The following MDGA2 variants were observed in gnomAD, a reference collection of about 807,000 sequenced individuals.
The protein encoded by MDGA2 is MAM domain containing glycosylphosphatidylinositol anchor 2.
MDGA2 carries 40 observed loss-of-function variants against 117.8 expected under a neutral mutation model. That is an observed-to-expected ratio of 0.34 (90% CI 0.26 to 0.44). The LOEUF is 0.44. MDGA2 is among the 20% of genes least tolerant of loss of function. The probability of loss-of-function intolerance (pLI) is 1.00; values close to 1 mark genes in which losing one functional copy is unlikely to be tolerated. For synonymous variants in MDGA2, 452 were observed against 439.0 expected, an observed-to-expected ratio of 1.03 and a Z score of -0.37; for missense variants, 1,123 against 1,250.6, an observed-to-expected ratio of 0.90 and a Z score of 1.54.
intron 3 of MDGA2, among the ~76,000 whole-genome samples, chr14:47,151,823 T>C (rs1182888884): frequency 6.6e-6 from 1 of 151,848 alleles, no homozygotes; most frequent in African/African-American, 2.4e-5. Flanking sequence ...TATATTTCTA[T>C]GTGTATAGGA....
chr14:47,375,385 G>T lies in MDGA2; in HGVS notation c.281-73835C>A, dbSNP rs572927260. ...TAAAAATCTTCAATGGCAGGTGATG[G>T]GAATAACTTGCCAAATAAACTCAAA... On this transcript the variant is annotated intron_variant, in intron 1 of 16. Transcript: ENST00000399232. 3.6e-4 allele frequency among the ~76,000 whole-genome samples: 55 copies of T among 151,944 alleles called. No individual in the cohort carries two copies. The South Asian group carries it at 6.4e-3, about 18-fold the overall frequency.
At chr14:47,446,194 G>A (rs543259325) in intron 1 of MDGA2, among the ~76,000 whole-genome samples, 10 of 152,256 alleles carry the variant, frequency 6.6e-5, no homozygotes, top group Admixed American at 6.5e-4. Flanking sequence ...ATGTGTATGA[G>A]TACTTGGTTG....
chr14:46,869,558 T>C (rs990991888), intron 14 of MDGA2, among the ~76,000 whole-genome samples: 4 of 151,898 alleles, frequency 2.6e-5, no homozygotes, highest in African/African-American at 9.7e-5. Context: ...TCAATCAATT[T>C]TGATGAAACA....
chr14:47,536,972 G>A (rs28510282), intron 1 of MDGA2, among the ~76,000 whole-genome samples: 15,714 of 152,130 alleles, frequency 0.1, 908 homozygotes, highest in Middle Eastern at 0.15. Context: ...CTTTCTGTCT[G>A]TTCAAAAGTA....
chr14:47,312,687 TGTTTTGTTTTG>T (rs1889674895), intron 1 of MDGA2, among the ~76,000 whole-genome samples: 1 of 92,822 alleles, frequency 1.1e-5, no homozygotes, highest in African/African-American at 4.0e-5. Flanking sequence ...GTTTTTTTTT[TGTTTTGTTTTG>T]TTTTTTTTTT....
chr14:46,903,583 A>C (rs1883376861), intron 10 of MDGA2, among the ~76,000 whole-genome samples: 1 of 152,188 alleles, frequency 6.6e-6, no homozygotes, highest in South Asian at 2.1e-4. Context: ...CATCTTTACT[A>C]TAGAGCCATT....
At chr14:46,910,707 A>T (rs1883665262) in intron 10 of MDGA2, among the ~76,000 whole-genome samples, 1 of 152,176 alleles carries the variant, frequency 6.6e-6, no homozygotes, top group Non-Finnish European at 1.5e-5. Flanking sequence ...ACTTAATGAC[A>T]TGATCCTGTA....
At chr14:47,329,322 A>T (rs1890231161) in intron 1 of MDGA2, among the ~76,000 whole-genome samples, 1 of 152,098 alleles carries the variant, frequency 6.6e-6, no homozygotes, top group Admixed American at 6.6e-5. Context: ...AACATGTCTT[A>T]TTTGTAAAAA....
chr14:47,559,457 A>G (rs1050340991), intron 1 of MDGA2, among the ~76,000 whole-genome samples: 1 of 151,946 alleles, frequency 6.6e-6, no homozygotes, highest in Non-Finnish European at 1.5e-5. Flanking sequence ...TCTATGGTGT[A>G]TATGCATCAC....
intron 3 of MDGA2, among the ~76,000 whole-genome samples, chr14:47,216,836 G>A (rs1381355538): frequency 6.6e-6 from 1 of 152,058 alleles, no homozygotes; most frequent in African/African-American, 2.4e-5. Flanking sequence ...GAAGTATACA[G>A]GTGTGGTCAA....
chr14:47,096,689 T>G (rs914660678), intron 6 of MDGA2, among the ~76,000 whole-genome samples, 165 bp downstream of exon 6: 1 of 152,088 alleles, frequency 6.6e-6, no homozygotes, highest in African/African-American at 2.4e-5. Flanking sequence ...TTTAACCTGT[T>G]TAAGTTCCAC....
intron 1 of MDGA2, among the ~76,000 whole-genome samples, chr14:47,369,574 G>A (rs1390212804): frequency 6.6e-6 from 1 of 151,872 alleles, no homozygotes; most frequent in Non-Finnish European, 1.5e-5. Context: ...CCCCGGTCCC[G>A]ACACCACCAG....
intron 1 of MDGA2, among the ~76,000 whole-genome samples, chr14:47,650,916 G>T (rs1408308512): frequency 6.6e-6 from 1 of 152,032 alleles, no homozygotes; most frequent in Non-Finnish European, 1.5e-5. Context: ...TATGACTGCT[G>T]TCACTCAATG....
chr14:47,019,338 A>G (rs71418127), intron 8 of MDGA2, among the ~76,000 whole-genome samples: 7,521 of 152,238 alleles, frequency 0.049, 237 homozygotes, highest in Middle Eastern at 0.078. Context: ...CAGAGGATAC[A>G]CTATAAGCAG....
rs149830377 is a variant in MDGA2, at chr14:47,090,039, A to G, written c.1195+6815T>C. Among the ~76,000 whole-genome samples, 109 of 152,246 alleles carry G rather than the reference A, an allele frequency of 7.2e-4. 2 individuals are homozygous for G. In the East Asian group the frequency reaches 0.013, roughly 18 times the overall value. On this transcript the variant is annotated intron_variant, in intron 6 of 16. Coordinates refer to ENST00000399232, the MANE Select transcript of MDGA2 (RefSeq NM_001113498.3). ...GAACTTTTAATCATAAAACTTTGGA[A>G]TTATAAGTCTTTTTGTAATAAGCAT... is the stretch of plus-strand genomic sequence containing the variant.
In MDGA2 at chr14:47,070,324, T is replaced by C. The variant is rs74577187; in HGVS notation, c.1196-8746A>G. ...CATACAGCATTTACACGACAAAACT[T>C]GAAAATTTAGAGAAATTGTAAATTC... is the stretch of plus-strand genomic sequence containing the variant. On this transcript the variant is annotated intron_variant, in intron 6 of 16. Transcript: ENST00000399232. Among the ~76,000 whole-genome samples the C allele has an allele frequency of 9.3e-3, 1,415 of 152,276 alleles. 17 individuals carry two copies. The highest frequency in any genetic ancestry group is 0.032 in the African/African-American group (1,320 of 41,550).
chr14:46,845,661 C>A, intron 16 of MDGA2, 105 bp downstream of exon 16: 5 of 666,368 alleles, frequency 7.5e-6, no homozygotes, highest in South Asian at 5.4e-5. Context: ...CTAAATAAAC[C>A]AACTAAAAAT....
At chr14:47,452,804 A>T (rs150704811) in intron 1 of MDGA2, among the ~76,000 whole-genome samples, 171 of 152,248 alleles carry the variant, frequency 1.1e-3, no homozygotes, top group African/African-American at 4.0e-3. Context: ...AAAATAGCTA[A>T]GAAATTTTTA....
intron 9 of MDGA2, among the ~76,000 whole-genome samples, chr14:46,930,285 C>A (rs758125394): frequency 6.6e-6 from 1 of 152,010 alleles, no homozygotes; most frequent in Non-Finnish European, 1.5e-5. Context: ...GCAGTACAAG[C>A]AATCCTTTTT....
Sources: allele counts gnomAD v4.1 joint callset (sites outside exome capture counted in the v4.1 genomes callset), GRCh38; gene constraint gnomAD v4.1.1; transcripts MANE v1.5; gene names NCBI Gene and HGNC (gene_info 2026-07-23, HGNC 2026-07-21).